TBC1D5: variants seen among roughly 807,000 people sequenced by gnomAD.
The protein encoded by TBC1D5 is TBC1 domain family, member 5.
A neutral mutation model predicts 100.3 loss-of-function variants in TBC1D5; 75 were observed. The observed-to-expected ratio is 0.75, with a 90% CI of 0.62 to 0.91. The LOEUF is 0.91. Ranked by LOEUF, TBC1D5 falls within the 40% of genes least tolerant of loss-of-function variation. The pLI, the probability that TBC1D5 is intolerant of heterozygous loss-of-function variation, is 0.00. For synonymous variants in TBC1D5, 323 were observed against 325.6 expected (o/e 0.99, Z 0.09); for missense variants, 910 against 942.4 (o/e 0.97, Z 0.45).
chr3:17,229,318 T>C (rs1191807784), intron 17 of TBC1D5, among the ~76,000 whole-genome samples: 1 of 152,156 alleles, frequency 6.6e-6, no homozygotes, highest in Non-Finnish European at 1.5e-5. Flanking sequence ...AAAAGGCTAA[T>C]GTCTACTAAT....
intron 3 of TBC1D5, among the ~76,000 whole-genome samples, chr3:17,448,325 C>T (rs1358092704): frequency 2.0e-5 from 3 of 152,184 alleles, no homozygotes; most frequent in Non-Finnish European, 2.9e-5. Context: ...GGGCTGGAAT[C>T]AACTCCTTTA....
intron 3 of TBC1D5, among the ~76,000 whole-genome samples, chr3:17,506,507 T>G (rs575340488): frequency 7.2e-5 from 11 of 152,194 alleles, no homozygotes; most frequent in Non-Finnish European, 1.5e-4. Flanking sequence ...AAAGTTTCTA[T>G]TCATTTTAAG....
At position 17,445,312 on chromosome 3, in the gene TBC1D5, A is replaced by G. The variant is rs80063212; in HGVS notation, c.98-16793T>C. 3.5e-3 allele frequency among the ~76,000 whole-genome samples: 526 copies of G among 152,314 alleles called. 3 individuals carry two copies. Among genetic ancestry groups the G allele is most frequent in the African/African-American group, 0.012 (511 of 41,576 alleles). Reference sequence around the variant, plus strand: ...GACAAAAAAGGTTTATACATTTTTAAAGGCTTTTTTTCTTAAAGAGGACGG... The same window carrying G: ...GACAAAAAAGGTTTATACATTTTTAGAGGCTTTTTTTCTTAAAGAGGACGG... On this transcript the variant is annotated intron_variant, in intron 3 of 21. Coordinates refer to ENST00000253692, the Ensembl canonical transcript of TBC1D5.
chr3:17,705,590 C>A (rs1237752813), intron 1 of TBC1D5, among the ~76,000 whole-genome samples: 1 of 135,238 alleles, frequency 7.4e-6, no homozygotes, highest in African/African-American at 2.7e-5. Flanking sequence ...CGGGCAGAGG[C>A]GCTCCTCACA....
In TBC1D5 at chr3:17,722,356, C is replaced by T. The variant is rs78138018; in HGVS notation, c.-101+16987G>A. On this transcript the variant is annotated intron_variant, in intron 1 of 21. Transcript: ENST00000253692. ...ATAATGACATATCCTGGAGATGGGACCCTAGTATAAACATAAAATTCATTT... is the reference window on the plus strand; with the variant it reads ...ATAATGACATATCCTGGAGATGGGATCCTAGTATAAACATAAAATTCATTT... 3.6e-3 allele frequency among the ~76,000 whole-genome samples: 547 copies of T among 151,960 alleles called. 4 individuals carry two copies. The highest frequency in any genetic ancestry group is 0.013 in the African/African-American group (531 of 41,432).
intron 13 of TBC1D5, among the ~76,000 whole-genome samples, chr3:17,336,731 C>G (rs1409989121): frequency 6.6e-6 from 1 of 151,256 alleles, no homozygotes; most frequent in South Asian, 2.1e-4. Flanking sequence ...AGATAAAAAT[C>G]CAAAACAAAA....
intron 1 of TBC1D5, among the ~76,000 whole-genome samples, chr3:17,700,708 G>A (rs932755511): frequency 4.6e-5 from 7 of 151,940 alleles, no homozygotes; most frequent in African/African-American, 7.2e-5. Flanking sequence ...ACATCTACGC[G>A]GCCAACAGAC....
intron 2 of TBC1D5, among the ~76,000 whole-genome samples, chr3:17,615,811 A>AT (rs2062099486): frequency 6.6e-6 from 1 of 152,016 alleles, no homozygotes; most frequent in Non-Finnish European, 1.5e-5. Flanking sequence ...CGGTCTATCA[A>AT]TTTTGTTGAT....
chr3:17,497,891 T>C (rs1237282662), intron 3 of TBC1D5, among the ~76,000 whole-genome samples: 1 of 152,094 alleles, frequency 6.6e-6, no homozygotes, highest in Non-Finnish European at 1.5e-5. Context: ...AGCTTTTTTT[T>C]CCCGGACTAA....
intron 17 of TBC1D5, among the ~76,000 whole-genome samples, chr3:17,218,231 C>G (rs1012959274): frequency 6.6e-6 from 1 of 151,966 alleles, no homozygotes; most frequent in African/African-American, 2.4e-5. Context: ...ATTAAAATAA[C>G]TATATAACAA....
chr3:17,475,250 G>C (rs577172361), intron 3 of TBC1D5, among the ~76,000 whole-genome samples: 1 of 150,016 alleles, frequency 6.7e-6, no homozygotes. Flanking sequence ...TATATCTTAA[G>C]ACTTTACATC....
At chr3:17,711,986 G>C (rs950286858) in intron 1 of TBC1D5, among the ~76,000 whole-genome samples, 1 of 152,160 alleles carries the variant, frequency 6.6e-6, no homozygotes, top group Non-Finnish European at 1.5e-5. Context: ...CAGTACCAAA[G>C]AACAACAATG....
intron 19 of TBC1D5, among the ~76,000 whole-genome samples, chr3:17,170,002 G>C (rs2067012211): frequency 6.6e-6 from 1 of 152,200 alleles, no homozygotes; most frequent in Non-Finnish European, 1.5e-5. Flanking sequence ...TGATCTGACA[G>C]GAGGTGGAGC....
chr3:17,238,028 A>G (rs925019420), intron 17 of TBC1D5, 135 bp downstream of exon 17: 2 of 1,317,416 alleles, frequency 1.5e-6, no homozygotes, highest in African/African-American at 3.0e-5. Flanking sequence ...TAGTATTCCA[A>G]CTTTATATAA....
chr3:17,310,133 C>A (rs1405859852), intron 13 of TBC1D5, among the ~76,000 whole-genome samples: 14 of 151,992 alleles, frequency 9.2e-5, no homozygotes. Flanking sequence ...ATTTCTATAC[C>A]CATTATTTCT....
At chr3:17,534,138 C>T (rs1470958884) in intron 2 of TBC1D5, among the ~76,000 whole-genome samples, 2 of 152,008 alleles carry the variant, frequency 1.3e-5, no homozygotes, top group African/African-American at 4.8e-5. Context: ...AAATGAGGGC[C>T]CCTGTTCCAG....
intron 9 of TBC1D5, among the ~76,000 whole-genome samples, chr3:17,378,767 C>CT (rs202093055): frequency 0.16 from 22,811 of 138,820 alleles, 2,400 homozygotes; most frequent in East Asian, 0.5. Context: ...ATACAGTTTC[C>CT]TTTTTTTTTT....
intron 1 of TBC1D5, among the ~76,000 whole-genome samples, chr3:17,738,939 A>AGT (rs1285777360): frequency 6.6e-6 from 1 of 152,206 alleles, no homozygotes. Context: ...ACATTTTCCT[A>AGT]AACACTTCAC....
intron 1 of TBC1D5, among the ~76,000 whole-genome samples, chr3:17,664,123 G>A (rs1227821445): frequency 1.3e-5 from 2 of 152,116 alleles, no homozygotes; most frequent in African/African-American, 4.8e-5. Flanking sequence ...AGGCTGGAGT[G>A]CCGTGGCATG....
Sources: allele counts gnomAD v4.1 joint callset (sites outside exome capture counted in the v4.1 genomes callset), GRCh38; gene constraint gnomAD v4.1.1; transcripts MANE v1.5; gene names NCBI Gene and HGNC (gene_info 2026-07-23, HGNC 2026-07-21).